The following HS3ST3B1 variants were observed in gnomAD, a reference collection of about 807,000 sequenced individuals.
HS3ST3B1 encodes heparan sulfate-glucosamine 3-sulfotransferase 3B1.
Under a neutral mutation model 21.3 loss-of-function variants are expected in HS3ST3B1, and 13 were observed. That is an observed-to-expected ratio of 0.61 (90% CI 0.40 to 0.97). HS3ST3B1 has a LOEUF of 0.97. Among genes scored for constraint, HS3ST3B1 ranks in the 50% least tolerant of loss-of-function variants. The probability of loss-of-function intolerance (pLI) is 0.00; values close to 1 mark genes in which losing one functional copy is unlikely to be tolerated. For synonymous variants in HS3ST3B1, 234 were observed against 254.8 expected (o/e 0.92, Z 0.78); for missense variants, 459 against 554.8 (o/e 0.83, Z 1.73).
chr17:14,340,078 G>T (rs1367395428), intron 1 of HS3ST3B1, among the ~76,000 whole-genome samples: 3 of 152,160 alleles, frequency 2.0e-5, no homozygotes, highest in Non-Finnish European at 4.4e-5. Context: ...TTCTGTGCCA[G>T]GAGCCGCTCA....
chr17:14,341,026 A>G (rs1910362804), intron 1 of HS3ST3B1, among the ~76,000 whole-genome samples: 1 of 152,160 alleles, frequency 6.6e-6, no homozygotes, highest in Non-Finnish European at 1.5e-5. Flanking sequence ...CAAACACCAG[A>G]CTGTCCTGGG....
chr17:14,325,177 A>G (rs1299357993), intron 1 of HS3ST3B1, among the ~76,000 whole-genome samples: 2 of 152,260 alleles, frequency 1.3e-5, no homozygotes, highest in Admixed American at 6.5e-5. Flanking sequence ...AGAGATTGCC[A>G]TGGGGCAATG....
intron 1 of HS3ST3B1, among the ~76,000 whole-genome samples, chr17:14,338,412 A>T (rs11652661): frequency 6.6e-6 from 1 of 151,182 alleles, no homozygotes; most frequent in Non-Finnish European, 1.5e-5. Flanking sequence ...ATGTGAGCCA[A>T]CACGCCCAGC....
chr17:14,319,468 C>G, intron 1 of HS3ST3B1, among the ~76,000 whole-genome samples: 1 of 152,120 alleles, frequency 6.6e-6, no homozygotes, highest in Non-Finnish European at 1.5e-5. Flanking sequence ...CTTGGTTTCT[C>G]TGTATCTGAA....
At chr17:14,305,848 A>G (rs1038848785) in intron 1 of HS3ST3B1, among the ~76,000 whole-genome samples, 1 of 152,134 alleles carries the variant, frequency 6.6e-6, no homozygotes, top group Non-Finnish European at 1.5e-5. Context: ...AGGATTAGCA[A>G]ATTTAATCCT....
chr17:14,348,667 G>A lies in HS3ST3B1; in HGVS notation c.*3021G>A, dbSNP rs1051323458. 6.6e-6 allele frequency: 1 copy of A among 152,046 alleles called. No individual in the cohort carries two copies. The highest frequency in any genetic ancestry group is 1.5e-5 in the Non-Finnish European group (1 of 68,034). The allele number at this position is 152,046 out of a possible 1,614,324, so 9.4% of individuals were successfully genotyped here. ...CTGGCACGTGTTTTGGACTTCCTCC[G>A]ATTTACACGAAAAGCTCTGATATTC... On this transcript the variant is annotated 3_prime_UTR_variant, in exon 2 of 2. Transcript: ENST00000360954.
chr17:14,336,527 G>C (rs1417975622), intron 1 of HS3ST3B1, among the ~76,000 whole-genome samples: 1 of 152,104 alleles, frequency 6.6e-6, no homozygotes, highest in East Asian at 1.9e-4. Context: ...AGCAAGAGTG[G>C]GGATGTTCAG....
chr17:14,329,223 C>A (rs1909903393), intron 1 of HS3ST3B1: 2 of 151,982 alleles, frequency 1.3e-5, no homozygotes, highest in African/African-American at 2.4e-5. Flanking sequence ...TTAGCAGCCT[C>A]AGATGGATCC....
chr17:14,321,891 A>T (rs1909669113), intron 1 of HS3ST3B1, among the ~76,000 whole-genome samples: 1 of 152,052 alleles, frequency 6.6e-6, no homozygotes, highest in African/African-American at 2.4e-5. Flanking sequence ...CTAGTAAGAG[A>T]TTTAGCTTCC....
Position 14,301,289 on chromosome 17 carries a change from C to T in HS3ST3B1, c.-230C>T, listed in dbSNP as rs142284136. The T allele has an allele frequency of 1.9e-4, 92 of 493,110 alleles. No individual in the cohort carries two copies. Among genetic ancestry groups the T allele is most frequent in the African/African-American group, 1.7e-3 (81 of 48,970 alleles). 30.5% of individuals were successfully genotyped at this position (493,110 alleles called of 1,614,324 possible). On this transcript the variant is annotated 5_prime_UTR_variant, in exon 1 of 2. Transcript: ENST00000360954. ...AGCAGTTACCGCCGTCCCGACTTTC[C>T]GTTCCAGTTGCAGCTCCTGCCGGGC... is the stretch of plus-strand genomic sequence containing the variant.
intron 1 of HS3ST3B1, among the ~76,000 whole-genome samples, chr17:14,335,169 G>A (rs1284235086): frequency 2.0e-5 from 3 of 152,130 alleles, no homozygotes; most frequent in Non-Finnish European, 2.9e-5. Flanking sequence ...TTTTATAGAT[G>A]AGGAAGCTGA....
intron 1 of HS3ST3B1, among the ~76,000 whole-genome samples, chr17:14,330,864 G>GAA (rs1332329305): frequency 6.6e-6 from 1 of 152,048 alleles, no homozygotes; most frequent in Non-Finnish European, 1.5e-5. Context: ...CACCGACCCA[G>GAA]AAAAAAGAAC....
At chr17:14,308,638 C>T (rs1422303024) in intron 1 of HS3ST3B1, among the ~76,000 whole-genome samples, 3 of 152,282 alleles carry the variant, frequency 2.0e-5, no homozygotes, top group East Asian at 1.9e-4. Flanking sequence ...AAAAAGTACA[C>T]ACACTATACA....
At chr17:14,313,108 G>GTATA (rs1555548199) in intron 1 of HS3ST3B1, among the ~76,000 whole-genome samples, 1 of 73,694 alleles carries the variant, frequency 1.4e-5, no homozygotes, top group Non-Finnish European at 2.5e-5. Context: ...GTGTGTGTGT[G>GTATA]TATATATATA....
chr17:14,306,208 T>C (rs1437811563), intron 1 of HS3ST3B1, among the ~76,000 whole-genome samples: 1 of 152,120 alleles, frequency 6.6e-6, no homozygotes, highest in Admixed American at 6.6e-5. Context: ...CTAACATTGG[T>C]TAATAACTAG....
intron 1 of HS3ST3B1, among the ~76,000 whole-genome samples, chr17:14,330,546 T>TC (rs1909976670): frequency 7.3e-6 from 1 of 136,798 alleles, no homozygotes; most frequent in Admixed American, 7.6e-5. Flanking sequence ...TCTCCTGGTT[T>TC]CCCGGTGTGT....
chr17:14,313,374 C>T (rs1909393354), intron 1 of HS3ST3B1, among the ~76,000 whole-genome samples: 1 of 151,584 alleles, frequency 6.6e-6, no homozygotes, highest in Non-Finnish European at 1.5e-5. Flanking sequence ...AGTCACCACC[C>T]CTTACCTGTG....
chr17:14,314,073 G>A (rs1265405352), intron 1 of HS3ST3B1, among the ~76,000 whole-genome samples: 4 of 150,286 alleles, frequency 2.7e-5, no homozygotes, highest in Non-Finnish European at 5.9e-5. Flanking sequence ...TCCGCCTCCC[G>A]GGTTCAAGCG....
intron 1 of HS3ST3B1, among the ~76,000 whole-genome samples, chr17:14,313,384 G>A (rs1737939743): frequency 6.6e-6 from 1 of 151,712 alleles, no homozygotes; most frequent in Non-Finnish European, 1.5e-5. Context: ...CCTTACCTGT[G>A]CCAAGATGAC....
Sources: allele counts gnomAD v4.1 joint callset (sites outside exome capture counted in the v4.1 genomes callset), GRCh38; gene constraint gnomAD v4.1.1; transcripts MANE v1.5; gene names NCBI Gene and HGNC (gene_info 2026-07-23, HGNC 2026-07-21).